RORA: variants seen among roughly 807,000 people sequenced by gnomAD.
The protein encoded by RORA is RAR related orphan receptor A.
Under a neutral mutation model 69.5 loss-of-function variants are expected in RORA, and 7 were observed. The ratio of observed to expected loss-of-function variants is 0.10; its 90% CI spans 0.06 to 0.19. The LOEUF (loss-of-function observed/expected upper bound fraction) is 0.19. RORA is among the 10% of genes least tolerant of loss of function. The pLI, the probability that RORA is intolerant of heterozygous loss-of-function variation, is 1.00. For synonymous variants in RORA, 261 were observed against 240.8 expected, an observed-to-expected ratio of 1.08 and a Z score of -0.78; for missense variants, 457 against 663.0, an observed-to-expected ratio of 0.69 and a Z score of 3.41.
At chr15:60,611,827 A>G (rs551451248) in intron 2 of RORA, among the ~76,000 whole-genome samples, 32 of 152,242 alleles carry the variant, frequency 2.1e-4, no homozygotes, top group Middle Eastern at 3.4e-3. Flanking sequence ...TTTTCCTCTG[A>G]CTGGACTAAC....
intron 1 of RORA, among the ~76,000 whole-genome samples, chr15:61,036,978 G>A (rs917560215): frequency 1.3e-5 from 2 of 152,132 alleles, no homozygotes; most frequent in African/African-American, 2.4e-5. Context: ...GGATTTTGAT[G>A]CAGTCAGTTC....
intron 1 of RORA, among the ~76,000 whole-genome samples, chr15:61,175,162 T>C (rs990316012): frequency 1.3e-5 from 2 of 152,156 alleles, no homozygotes; most frequent in African/African-American, 4.8e-5. Flanking sequence ...TCACTCTGTC[T>C]AGAGCACAGG....
intron 1 of RORA, among the ~76,000 whole-genome samples, chr15:60,917,118 C>A (rs1015541715): frequency 6.6e-6 from 1 of 152,148 alleles, no homozygotes. Context: ...GGGGCCTGGA[C>A]CCAACTTCAT....
At chr15:60,565,320 A>G (rs2067685366) in intron 2 of RORA, among the ~76,000 whole-genome samples, 1 of 152,226 alleles carries the variant, frequency 6.6e-6, no homozygotes, top group Non-Finnish European at 1.5e-5. Context: ...TGTTGGTTTC[A>G]GATAGTGCTA....
chr15:60,851,101 G>A (rs1279842388), intron 1 of RORA, among the ~76,000 whole-genome samples: 4 of 152,088 alleles, frequency 2.6e-5, no homozygotes, highest in South Asian at 4.1e-4. Flanking sequence ...TTTGCGAGGT[G>A]GACCAAGCTT....
intron 2 of RORA, among the ~76,000 whole-genome samples, chr15:60,562,090 CCTG>C (rs2067578309): frequency 6.6e-6 from 1 of 151,714 alleles, no homozygotes; most frequent in Non-Finnish European, 1.5e-5. Flanking sequence ...ATTACAGGCG[CCTG>C]CCACCACCAC....
intron 1 of RORA, among the ~76,000 whole-genome samples, chr15:60,937,066 T>C (rs543209973): frequency 6.6e-6 from 1 of 152,342 alleles, no homozygotes; most frequent in East Asian, 1.9e-4. Flanking sequence ...TGTTGGATTA[T>C]CTCATTTCAT....
chr15:61,103,691 C>G (rs1018518001), intron 1 of RORA, among the ~76,000 whole-genome samples: 1 of 152,208 alleles, frequency 6.6e-6, no homozygotes, highest in African/African-American at 2.4e-5. Context: ...TTCACACTGT[C>G]CTGGCAACTC....
At chr15:61,088,218 C>T (rs570084468) in intron 1 of RORA, among the ~76,000 whole-genome samples, 1 of 152,044 alleles carries the variant, frequency 6.6e-6, no homozygotes, top group Non-Finnish European at 1.5e-5. Context: ...TCAGAGAGGG[C>T]GAAATGACAA....
rs775402594 is a variant in RORA at position 60,502,809 on chromosome 15, G to A, written c.1134C>T (p.Thr378=). The change falls in exon 8 of 11, where the codon ACC becomes ACT. Residue 378 remains threonine, a synonymous_variant. Transcript: ENST00000335670. ...TGGCATACTTCCCATCAAAGTACAC[G>A]GTGTTGTTCTGAGAGTCAAAGGCAC... ...MCRAFDSQNN[T]VYFDGKYASP... 32 of 1,613,802 alleles carry A rather than the reference G, an allele frequency of 2.0e-5. No individual in the cohort carries two copies. Among genetic ancestry groups the A allele is most frequent in the African/African-American group, 2.7e-5 (2 of 74,870 alleles).
intron 1 of RORA, among the ~76,000 whole-genome samples, chr15:60,957,046 TA>T (rs1024382991): frequency 5.3e-5 from 8 of 152,250 alleles, no homozygotes; most frequent in Non-Finnish European, 8.8e-5. Flanking sequence ...AGGCACTAGG[TA>T]GTCCATTCAT....
At chr15:60,780,267 T>C (rs1172004525) in intron 1 of RORA, among the ~76,000 whole-genome samples, 1 of 152,238 alleles carries the variant, frequency 6.6e-6, no homozygotes, top group Non-Finnish European at 1.5e-5. Context: ...TCAGTTCTAC[T>C]GCATTTGCTT....
chr15:61,229,244 G>T lies in RORA; in HGVS notation c.-26C>A. ...GTTTTTTCCCAATGTAGAGATCGCTGGAGATGGCGAGCTCCGAGACTCCCT... is the reference window on the plus strand; with the variant it reads ...GTTTTTTCCCAATGTAGAGATCGCTTGAGATGGCGAGCTCCGAGACTCCCT... On this transcript the variant is annotated 5_prime_UTR_variant, in exon 1 of 11. Coordinates refer to ENST00000335670, the MANE Select transcript of RORA (RefSeq NM_134261.3). 1 of 1,253,184 alleles carries T rather than the reference G, an allele frequency of 8.0e-7. No individual in the cohort carries two copies. The highest frequency in any genetic ancestry group is 4.8e-5 in the East Asian group (1 of 20,638). 77.6% of individuals were successfully genotyped at this position (1,253,184 alleles called of 1,614,324 possible).
chr15:61,162,164 T>C (rs1383308643), intron 1 of RORA, among the ~76,000 whole-genome samples: 2 of 152,164 alleles, frequency 1.3e-5, no homozygotes, highest in East Asian at 1.9e-4. Context: ...AGAAATGATA[T>C]AGCTGTTATG....
At chr15:60,978,064 T>C (rs1246981610) in intron 1 of RORA, among the ~76,000 whole-genome samples, 1 of 152,222 alleles carries the variant, frequency 6.6e-6, no homozygotes, top group East Asian at 1.9e-4. Context: ...TGGATCATTA[T>C]ACATTCCCAC....
chr15:60,749,269 A>G (rs2071689419), intron 1 of RORA, among the ~76,000 whole-genome samples: 1 of 152,254 alleles, frequency 6.6e-6, no homozygotes, highest in South Asian at 2.1e-4. Flanking sequence ...TCTCACTTGC[A>G]CCATTAATTC....
chr15:61,175,181 G>A (rs910693944), intron 1 of RORA, among the ~76,000 whole-genome samples: 3 of 152,162 alleles, frequency 2.0e-5, no homozygotes, highest in Non-Finnish European at 2.9e-5. Context: ...GGGATCATCA[G>A]GCAAAAGTCC....
At chr15:60,975,646 G>A (rs1026841989) in intron 1 of RORA, among the ~76,000 whole-genome samples, 9 of 152,098 alleles carry the variant, frequency 5.9e-5, no homozygotes, top group African/African-American at 2.2e-4. Context: ...TGGATTTCTG[G>A]GGCCCTCCAC....
At chr15:60,985,171 T>C (rs536076283) in intron 1 of RORA, among the ~76,000 whole-genome samples, 1 of 152,352 alleles carries the variant, frequency 6.6e-6, no homozygotes, top group East Asian at 1.9e-4. Context: ...TTTGTATCTT[T>C]CTTGTCTGAA....
Sources: gnomAD v4.1 joint callset for allele counts (sites outside exome capture counted in the v4.1 genomes callset) on GRCh38, gnomAD v4.1.1 for gene constraint, MANE v1.5 for transcripts, NCBI Gene and HGNC (gene_info 2026-07-23, HGNC 2026-07-21) for gene names.